HPCAL1: variants seen among roughly 807,000 people sequenced by gnomAD.
HPCAL1 encodes hippocalcin-like protein 1.
HPCAL1 carries 8 observed loss-of-function variants against 17.1 expected under a neutral mutation model. The ratio of observed to expected loss-of-function variants is 0.47; its 90% CI spans 0.27 to 0.84. The LOEUF is 0.84. HPCAL1 is among the 40% of genes least tolerant of loss of function. HPCAL1 has a pLI of 0.13. For missense variants in HPCAL1, 165 were observed against 271.1 expected (o/e 0.61, Z 2.75); for synonymous variants, 112 against 111.4 (o/e 1.01, Z -0.03).
At chr2:10,361,306 G>A (rs946297422) in intron 1 of HPCAL1, among the ~76,000 whole-genome samples, 1 of 151,646 alleles carries the variant, frequency 6.6e-6, no homozygotes, top group African/African-American at 2.4e-5. Context: ...CTGTGGCCTC[G>A]TTGTCTAATG....
At chr2:10,387,998 G>A (rs984930401) in intron 1 of HPCAL1, among the ~76,000 whole-genome samples, 21 of 152,160 alleles carry the variant, frequency 1.4e-4, no homozygotes, top group African/African-American at 4.6e-4. Flanking sequence ...GGGAGGCCTG[G>A]ATGCTTTTTC....
At chr2:10,385,895 G>A (rs1400653657) in intron 1 of HPCAL1, among the ~76,000 whole-genome samples, 2 of 148,434 alleles carry the variant, frequency 1.3e-5, no homozygotes, top group African/African-American at 2.5e-5. Flanking sequence ...TCGGCCTCGT[G>A]TCGGGGGGTG....
At chr2:10,357,252 G>A (rs1666215829) in intron 1 of HPCAL1, among the ~76,000 whole-genome samples, 1 of 152,222 alleles carries the variant, frequency 6.6e-6, no homozygotes, top group African/African-American at 2.4e-5. Flanking sequence ...GAGGCTTGCA[G>A]TACCCACCAA....
rs1270388432 is a variant in HPCAL1 at position 10,427,052 on chromosome 2, G to C, written c.*231G>C. 1.8e-6 allele frequency: 1 copy of C among 549,464 alleles called. No individual in the cohort carries two copies. The highest frequency in any genetic ancestry group is 3.1e-5 in the Admixed American group (1 of 32,086). The allele number at this position is 549,464 out of a possible 1,614,324, so 34.0% of individuals were successfully genotyped here. ...CTTCCAGGGCAACTCCCAGGGATGT[G>C]GTGACATGCAGGGTTCAAGTGTTCT... On this transcript the variant is annotated 3_prime_UTR_variant, in exon 5 of 5. Coordinates refer to ENST00000307845, the MANE Select transcript of HPCAL1 (RefSeq NM_002149.4).
At chr2:10,358,388 C>T (rs554737123) in intron 1 of HPCAL1, among the ~76,000 whole-genome samples, 21 of 152,268 alleles carry the variant, frequency 1.4e-4, no homozygotes, top group South Asian at 1.0e-3. Context: ...AGGAGAAGGG[C>T]GGGTCCCTGT....
intron 1 of HPCAL1, among the ~76,000 whole-genome samples, chr2:10,337,835 G>C (rs1327912761): frequency 1.3e-5 from 2 of 152,186 alleles, no homozygotes; most frequent in South Asian, 2.1e-4. Context: ...GGTGCAGGCT[G>C]GTTCTTAGGA....
intron 1 of HPCAL1, among the ~76,000 whole-genome samples, chr2:10,335,454 C>G (rs896461475): frequency 6.6e-6 from 1 of 152,210 alleles, no homozygotes; most frequent in African/African-American, 2.4e-5. Context: ...TCGGATGAGA[C>G]TGCTGCCCTG....
chr2:10,419,782 C>T lies in HPCAL1; in HGVS notation c.25C>T (p.Arg9Trp). The part of the protein sequence containing the change: MGKQNSKL[R>W]PEVLQDLREN... The stretch of plus-strand genomic sequence containing the variant: ...CATGGGCAAACAGAACAGCAAGCTG[C>T]GGCCCGAGGTGCTGCAGGACCTGCG... Residue 9 changes from arginine to tryptophan, a missense_variant, in exon 3 of 5, where the codon CGG becomes TGG. Coordinates refer to ENST00000307845, the MANE Select transcript of HPCAL1 (RefSeq NM_002149.4). This position sits in a 1 kb window ranked among gnomAD's most constrained non-coding sequence, Gnocchi z 5.0. The T allele has an allele frequency of 2.5e-6, 4 of 1,612,218 alleles. No individual in the cohort carries two copies. The highest frequency in any genetic ancestry group is 3.4e-6 in the Non-Finnish European group (4 of 1,179,134).
At position 10,419,653 on chromosome 2, in the gene HPCAL1, C is replaced by A; in HGVS notation, c.-24-81C>A. The A allele has an allele frequency of 2.9e-6, 4 of 1,377,072 alleles. No homozygotes were observed. The highest frequency in any genetic ancestry group is 3.9e-6 in the Non-Finnish European group (4 of 1,026,690). The allele number at this position is 1,377,072 out of a possible 1,614,324, so 85.3% of individuals were successfully genotyped here. A position where few individuals can be genotyped will look rare whatever the true frequency, so the allele number is the denominator to read the frequency against. ...GTCGCAGCGCTTGCACAGCGATGGG[C>A]TTATTTGGTCTCTCCGGCACATGGC... is the stretch of plus-strand genomic sequence containing the variant. On this transcript the variant is annotated intron_variant, in intron 2 of 4. Transcript: ENST00000307845. The surrounding 1 kb of genome is among the most constrained non-coding windows in gnomAD (Gnocchi z 5.0).
At chr2:10,397,134 C>T (rs1405378192) in intron 2 of HPCAL1, among the ~76,000 whole-genome samples, 1 of 152,188 alleles carries the variant, frequency 6.6e-6, no homozygotes, top group Admixed American at 6.5e-5. Context: ...AAACAGCCCC[C>T]CAGGCCCCAC....
At chr2:10,314,707 A>G (rs1255994716) in intron 1 of HPCAL1, among the ~76,000 whole-genome samples, 1 of 152,222 alleles carries the variant, frequency 6.6e-6, no homozygotes, top group African/African-American at 2.4e-5. Flanking sequence ...CTTCTTAACT[A>G]ATTGTGAATT....
intron 1 of HPCAL1, among the ~76,000 whole-genome samples, chr2:10,374,784 G>A (rs943897198): frequency 3.3e-5 from 5 of 152,258 alleles, no homozygotes; most frequent in African/African-American, 1.2e-4. Flanking sequence ...CCTTTCAGCC[G>A]TGGCCCTGCC....
intron 1 of HPCAL1, among the ~76,000 whole-genome samples, chr2:10,339,647 C>A (rs1325096543): frequency 6.6e-6 from 1 of 152,190 alleles, no homozygotes; most frequent in East Asian, 1.9e-4. Flanking sequence ...CCGCGCCCAG[C>A]CATATTTGAA....
chr2:10,341,727 G>A (rs2125443980), intron 1 of HPCAL1, among the ~76,000 whole-genome samples: 1 of 152,314 alleles, frequency 6.6e-6, no homozygotes, highest in Middle Eastern at 3.4e-3. Flanking sequence ...GGGGGCAGGA[G>A]AGTGGGCATT....
intron 2 of HPCAL1, among the ~76,000 whole-genome samples, chr2:10,397,423 G>A (rs1490922774): frequency 6.6e-6 from 1 of 152,002 alleles, no homozygotes; most frequent in East Asian, 1.9e-4. Context: ...TAAGCTGTCT[G>A]CGCTGGGAGC....
intron 1 of HPCAL1, chr2:10,368,990 CA>C (rs1667040101): frequency 6.6e-6 from 1 of 152,176 alleles, no homozygotes; most frequent in African/African-American, 2.4e-5. Flanking sequence ...TTGATTTTCC[CA>C]AAAGCACATC....
At chr2:10,400,399 C>G (rs565399725) in intron 2 of HPCAL1, among the ~76,000 whole-genome samples, 3 of 152,238 alleles carry the variant, frequency 2.0e-5, no homozygotes, top group Non-Finnish European at 4.4e-5. Context: ...GTGTAGCCAA[C>G]AATTCTTCTG....
At chr2:10,346,748 C>T (rs568706809) in intron 1 of HPCAL1, among the ~76,000 whole-genome samples, 11 of 152,166 alleles carry the variant, frequency 7.2e-5, no homozygotes, top group Non-Finnish European at 2.9e-5. Flanking sequence ...AGTACAAAAA[C>T]GAGACTGTGA....
chr2:10,409,777 CTTTTTTTTTTTTTT>C (rs34031495), intron 2 of HPCAL1, among the ~76,000 whole-genome samples: 5 of 62,506 alleles, frequency 8.0e-5, no homozygotes, highest in African/African-American at 2.1e-4. Context: ...GAGCCTCAGT[CTTTTTTTTTTTTTT>C]TTTTTTTTTT....
Sources: gnomAD v4.1 joint callset for allele counts (sites outside exome capture counted in the v4.1 genomes callset) on GRCh38, gnomAD v4.1.1 for gene constraint, Gnocchi (gnomAD v3.1) non-coding constraint, MANE v1.5 for transcripts, NCBI Gene and HGNC (gene_info 2026-07-23, HGNC 2026-07-21) for gene names.